Variants in FER observed in about 807,000 individuals in gnomAD.
FER encodes tyrosine-protein kinase Fer.
FER carries 63 observed loss-of-function variants against 111.0 expected under a neutral mutation model. The ratio of observed to expected loss-of-function variants is 0.57; its 90% CI spans 0.46 to 0.70. The LOEUF is 0.70. Ranked by LOEUF, FER falls within the 30% of genes least tolerant of loss-of-function variation. The pLI is 0.00. For synonymous variants in FER, 327 were observed against 313.9 expected, an observed-to-expected ratio of 1.04 and a Z score of -0.44; for missense variants, 914 against 954.0, an observed-to-expected ratio of 0.96 and a Z score of 0.55.
At position 109,195,032 on chromosome 5, in the gene FER, T is replaced by A. The variant is rs1004846221; in HGVS notation, c.*7457T>A. On this transcript the variant is annotated 3_prime_UTR_variant, in exon 20 of 20. Transcript: ENST00000281092. ...CAGCCTGGCAGTCTTTCCCACCTCA[T>A]TGGTCCGTGCTTTTATTTTTAAACC... 1 of 152,158 alleles carries A rather than the reference T, an allele frequency of 6.6e-6. No individual in the cohort carries two copies. The highest frequency in any genetic ancestry group is 2.4e-5 in the African/African-American group (1 of 41,446). 9.4% of individuals were successfully genotyped at this position (152,158 alleles called of 1,614,324 possible). A position where few individuals can be genotyped will look rare whatever the true frequency, so the allele number is the denominator to read the frequency against.
At chr5:108,888,656 A>T (rs559355585) in intron 9 of FER, among the ~76,000 whole-genome samples, 1 of 152,000 alleles carries the variant, frequency 6.6e-6, no homozygotes, top group East Asian at 1.9e-4. Context: ...TGAAGTATGT[A>T]TTGCTTGTTT....
At chr5:108,798,057 CT>C (rs11406674) in intron 2 of FER, 66 bp from the exon 3 acceptor site, 11,526 of 468,306 alleles carry the variant, frequency 0.025, no homozygotes, top group East Asian at 0.046. Context: ...TCTATCATAA[CT>C]TTTTTTTTTT....
At chr5:109,061,366 A>G (rs1026945477) in intron 16 of FER, among the ~76,000 whole-genome samples, 2 of 152,248 alleles carry the variant, frequency 1.3e-5, no homozygotes, top group African/African-American at 4.8e-5. Flanking sequence ...CATTTACATA[A>G]TATTTTACAG....
intron 16 of FER, among the ~76,000 whole-genome samples, chr5:109,069,137 C>T (rs1775476194): frequency 1.3e-5 from 2 of 151,782 alleles, no homozygotes. Context: ...AATATTAAAC[C>T]TTTAGATTCT....
chr5:108,914,984 G>A (rs1476515059), intron 10 of FER, among the ~76,000 whole-genome samples: 1 of 152,160 alleles, frequency 6.6e-6, no homozygotes, highest in African/African-American at 2.4e-5. Flanking sequence ...AGGAGGATAT[G>A]GGTTAGGCAT....
At chr5:108,828,852 CA>C (rs1759744634) in intron 3 of FER, among the ~76,000 whole-genome samples, 1 of 152,138 alleles carries the variant, frequency 6.6e-6, no homozygotes, top group Admixed American at 6.5e-5. Context: ...GTAATCTTAG[CA>C]CTTTGGGAGA....
In FER at chr5:108,986,819, C is replaced by T. The variant is rs990243464; in HGVS notation, c.1656+27472C>T. ...CATTGGTCTATGCCTACTTTTATATCGGTACCGTGCTGTTTTGGTGACTGT... is the reference window on the plus strand; with the variant it reads ...CATTGGTCTATGCCTACTTTTATATTGGTACCGTGCTGTTTTGGTGACTGT... On this transcript the variant is annotated intron_variant, in intron 13 of 19. Transcript: ENST00000281092. Among the ~76,000 whole-genome samples the T allele has an allele frequency of 8.5e-5, 13 of 152,082 alleles. 1 individual carries two copies. The South Asian group carries it at 1.2e-3, about 15-fold the overall frequency.
intron 13 of FER, among the ~76,000 whole-genome samples, chr5:108,969,148 T>C (rs1010333843): frequency 6.6e-6 from 1 of 152,104 alleles, no homozygotes; most frequent in Admixed American, 6.6e-5. Context: ...AACTGTAAAA[T>C]GTATATATCT....
At chr5:108,812,736 T>C (rs1449611587) in intron 3 of FER, among the ~76,000 whole-genome samples, 2 of 152,140 alleles carry the variant, frequency 1.3e-5, no homozygotes, top group Admixed American at 6.5e-5. Flanking sequence ...GTTTATTGTG[T>C]TATTTTAATG....
intron 5 of FER, among the ~76,000 whole-genome samples, chr5:108,866,128 C>A (rs552537288): frequency 6.6e-6 from 1 of 152,312 alleles, no homozygotes; most frequent in East Asian, 1.9e-4. Context: ...TATAAAGACA[C>A]ATGCACATGT....
At chr5:109,078,522 C>A (rs1304838600) in intron 16 of FER, among the ~76,000 whole-genome samples, 1 of 152,060 alleles carries the variant, frequency 6.6e-6, no homozygotes, top group Admixed American at 6.6e-5. Context: ...TACTAATGTT[C>A]TTTTTTCTCT....
chr5:108,952,321 A>T (rs1307661572), intron 11 of FER, among the ~76,000 whole-genome samples: 2 of 139,768 alleles, frequency 1.4e-5, no homozygotes, highest in East Asian at 4.3e-4. Flanking sequence ...TTGCTGATGC[A>T]TCCTACATAT....
chr5:108,972,931 C>T (rs1760859348), intron 13 of FER, among the ~76,000 whole-genome samples: 1 of 152,126 alleles, frequency 6.6e-6, no homozygotes, highest in Non-Finnish European at 1.5e-5. Context: ...CATGTAGTTA[C>T]AGTGCTCTTC....
At chr5:108,804,743 A>G (rs1427272405) in intron 3 of FER, among the ~76,000 whole-genome samples, 1 of 152,180 alleles carries the variant, frequency 6.6e-6, no homozygotes, top group Non-Finnish European at 1.5e-5. Flanking sequence ...TGCTATTAAT[A>G]GTATTTCATT....
intron 17 of FER, among the ~76,000 whole-genome samples, chr5:109,155,004 A>G (rs1019429461): frequency 6.6e-6 from 1 of 151,918 alleles, no homozygotes; most frequent in Non-Finnish European, 1.5e-5. Flanking sequence ...GGTTAATCTT[A>G]TAACTCTATC....
At chr5:109,019,650 A>G (rs935438469) in intron 13 of FER, among the ~76,000 whole-genome samples, 1 of 151,796 alleles carries the variant, frequency 6.6e-6, no homozygotes, top group African/African-American at 2.4e-5. Flanking sequence ...CAAGCTCTCC[A>G]GTTGATTCTG....
At chr5:108,758,625 C>T (rs1411081564) in intron 1 of FER, among the ~76,000 whole-genome samples, 2 of 152,140 alleles carry the variant, frequency 1.3e-5, no homozygotes, top group Non-Finnish European at 2.9e-5. Context: ...GATTGTGTCT[C>T]GTTGAAGGAT....
At chr5:109,007,864 G>C (rs930755327) in intron 13 of FER, among the ~76,000 whole-genome samples, 2 of 152,064 alleles carry the variant, frequency 1.3e-5, no homozygotes, top group African/African-American at 4.8e-5. Context: ...CTGCTATTTT[G>C]CATTCCTACC....
chr5:109,128,366 A>T (rs747080707), intron 17 of FER, among the ~76,000 whole-genome samples: 1 of 152,178 alleles, frequency 6.6e-6, no homozygotes. Flanking sequence ...ACAACTTTCA[A>T]TTGTAAGTTT....
Sources: gnomAD v4.1 joint callset for allele counts (sites outside exome capture counted in the v4.1 genomes callset) on GRCh38, gnomAD v4.1.1 for gene constraint, MANE v1.5 for transcripts, NCBI Gene and HGNC (gene_info 2026-07-23, HGNC 2026-07-21) for gene names.